The following NBAS variants were observed in gnomAD, a reference collection of about 807,000 sequenced individuals.
The protein encoded by NBAS is NBAS subunit of NRZ tethering complex.
A neutral mutation model predicts 302.5 loss-of-function variants in NBAS; 219 were observed. That is an observed-to-expected ratio of 0.72 (90% CI 0.65 to 0.81). The LOEUF (loss-of-function observed/expected upper bound fraction) is 0.81, where lower values mean the gene tolerates loss of function less well. NBAS is among the 30% of genes least tolerant of loss of function. The probability of loss-of-function intolerance (pLI) is 0.00; values close to 1 mark genes in which losing one functional copy is unlikely to be tolerated. For missense variants in NBAS, 2,932 were observed against 2,841.6 expected (o/e 1.03, Z -0.72); for synonymous variants, 1,118 against 1,021.6 (o/e 1.09, Z -1.80).
At chr2:15,350,010 A>G (rs1231088850) in intron 35 of NBAS, among the ~76,000 whole-genome samples, 1 of 152,132 alleles carries the variant, frequency 6.6e-6, no homozygotes. Context: ...GCAAAAAGTA[A>G]CATTACAACC....
At chr2:14,884,342 T>C in the NBAS span, among the ~76,000 whole-genome samples, 1 of 151,766 alleles carries the variant, frequency 6.6e-6, no homozygotes, top group East Asian at 1.9e-4. Context: ...GGGAAGGGAG[T>C]TGGAGAGTCT....
intron 12 of NBAS, among the ~76,000 whole-genome samples, chr2:15,486,900 T>C (rs1680650761): frequency 6.6e-6 from 1 of 151,814 alleles, no homozygotes; most frequent in South Asian, 2.1e-4. Flanking sequence ...CAAAAAAAGA[T>C]TCAATTTATC....
chr2:15,553,307 A>C (rs1664470395), intron 5 of NBAS, 119 bp downstream of exon 5: 1 of 926,148 alleles, frequency 1.1e-6, no homozygotes, highest in African/African-American at 1.7e-5. Flanking sequence ...TCACAAAATT[A>C]AGTGAGTTAA....
At chr2:15,173,715 C>T (rs780890096) in intron 51 of NBAS, among the ~76,000 whole-genome samples, 31 of 152,292 alleles carry the variant, frequency 2.0e-4, no homozygotes, top group Middle Eastern at 3.4e-3. Context: ...GATCTCACAA[C>T]GAGACGGAGA....
At chr2:15,144,719 C>T in the NBAS span, among the ~76,000 whole-genome samples, 457 of 152,288 alleles carry the variant, frequency 3.0e-3, 4 homozygotes, top group Non-Finnish European at 4.7e-3. Context: ...GCATGGGCTT[C>T]GCAGTCAGCT....
rs78989261 is a variant in NBAS at position 15,390,833 on chromosome 2, G to A, written c.3257+3394C>T. Among the ~76,000 whole-genome samples, 1,489 of 152,088 alleles carry A rather than the reference G, an allele frequency of 9.8e-3. 30 individuals are homozygous for A. The highest frequency in any genetic ancestry group is 0.034 in the African/African-American group (1,407 of 41,496). On this transcript the variant is annotated intron_variant, in intron 28 of 51. Transcript: ENST00000281513. ...CTAGTATTCAATAAAATTATTTTGC[G>A]GCCAGGCGTGGTGGCTCATGCCTGT...
At position 15,250,514 on chromosome 2, in the gene NBAS, G is replaced by C. The variant is rs946985692; in HGVS notation, c.5725-11828C>G. ...TGCACAGCAAAAGAAACTATCATCA[G>C]AGTGAACAGGCAGTCTACAGAATGG... On this transcript the variant is annotated intron_variant, in intron 44 of 51. Coordinates refer to ENST00000281513, the MANE Select transcript of NBAS (RefSeq NM_015909.4). Among the ~76,000 whole-genome samples the C allele has an allele frequency of 4.6e-5, 7 of 152,294 alleles. No individual in the cohort carries two copies. The South Asian group carries it at 1.4e-3, about 32-fold the overall frequency.
the NBAS span, among the ~76,000 whole-genome samples, chr2:14,871,372 C>T: frequency 6.6e-6 from 1 of 152,036 alleles, no homozygotes; most frequent in Non-Finnish European, 1.5e-5. Context: ...AAAATAAAAA[C>T]TTTTTAGACA....
At chr2:14,822,404 T>C in the NBAS span, among the ~76,000 whole-genome samples, 1 of 152,198 alleles carries the variant, frequency 6.6e-6, no homozygotes, top group Non-Finnish European at 1.5e-5. Context: ...TGAAGATCAC[T>C]GATATGAGAG....
At chr2:15,243,577 GA>G (rs200944798) in intron 44 of NBAS, among the ~76,000 whole-genome samples, 243 of 127,282 alleles carry the variant, frequency 1.9e-3, no homozygotes, top group Non-Finnish European at 1.6e-3. Flanking sequence ...ATCAGGCAAT[GA>G]AAAAAAAAAA....
the NBAS span, among the ~76,000 whole-genome samples, chr2:14,942,665 G>A: frequency 7.2e-5 from 11 of 152,158 alleles, no homozygotes; most frequent in East Asian, 2.1e-3. Context: ...CCCACTCCCT[G>A]TGGGGAAAGG....
the NBAS span, among the ~76,000 whole-genome samples, chr2:15,150,507 T>C: frequency 6.6e-6 from 1 of 152,162 alleles, no homozygotes; most frequent in East Asian, 1.9e-4. Context: ...AAAATTGGTA[T>C]TTAAGAGGAT....
At chr2:15,095,686 C>T in the NBAS span, among the ~76,000 whole-genome samples, 1 of 152,204 alleles carries the variant, frequency 6.6e-6, no homozygotes, top group African/African-American at 2.4e-5. Flanking sequence ...TCCCATGAAC[C>T]TTCCCTGGTA....
chr2:15,026,879 G>T, the NBAS span, among the ~76,000 whole-genome samples: 2 of 152,106 alleles, frequency 1.3e-5, no homozygotes, highest in African/African-American at 4.8e-5. Context: ...ATAGCTGGTT[G>T]TGCCAGCTTC....
At chr2:15,281,079 A>G (rs1669804388) in intron 42 of NBAS, among the ~76,000 whole-genome samples, 2 of 152,190 alleles carry the variant, frequency 1.3e-5, no homozygotes, top group African/African-American at 4.8e-5. Context: ...TGATGAGAGA[A>G]TCAATAAAGA....
At chr2:15,253,392 C>G (rs559679170) in intron 44 of NBAS, among the ~76,000 whole-genome samples, 2 of 151,876 alleles carry the variant, frequency 1.3e-5, no homozygotes, top group Non-Finnish European at 2.9e-5. Context: ...TGTGTGTATG[C>G]GTGTGCTTAG....
chr2:15,546,684 C>T (rs561295376), intron 6 of NBAS, among the ~76,000 whole-genome samples: 1 of 152,240 alleles, frequency 6.6e-6, no homozygotes, highest in East Asian at 1.9e-4. Context: ...GCCTAGATGG[C>T]GCCACTGCAC....
Position 15,417,809 on chromosome 2 carries a change from A to AT in NBAS, c.2578-98dup, listed in dbSNP as rs200980164. The AT allele has an allele frequency of 1.7e-3, 2,121 of 1,228,434 alleles. 26 individuals are homozygous for AT. In the African/African-American group the frequency reaches 0.018, roughly 11 times the overall value. The allele number at this position is 1,228,434 out of a possible 1,614,324, so 76.1% of individuals were successfully genotyped here. On this transcript the variant is annotated intron_variant, in intron 23 of 51. Transcript: ENST00000281513. Reference sequence around the variant, plus strand: ...AGTACAGAATCTAATTCTTATAATCATTTTTTATAAAATTGCATTACCAGT... The same window carrying AT: ...AGTACAGAATCTAATTCTTATAATCATTTTTTTATAAAATTGCATTACCAGT...
At chr2:15,417,919 A>T (rs775396618) in intron 23 of NBAS, among the ~76,000 whole-genome samples, 5 of 152,154 alleles carry the variant, frequency 3.3e-5, no homozygotes, top group Admixed American at 6.5e-5. Flanking sequence ...GAATCAAACA[A>T]TCAGCAAGAA....
Sources: allele counts gnomAD v4.1 joint callset (sites outside exome capture counted in the v4.1 genomes callset), GRCh38; gene constraint gnomAD v4.1.1; transcripts MANE v1.5; gene names NCBI Gene and HGNC (gene_info 2026-07-23, HGNC 2026-07-21).